ARHGAP24: variants seen among roughly 807,000 people sequenced by gnomAD.
ARHGAP24 encodes rho GTPase-activating protein 24.
ARHGAP24 carries 50 observed loss-of-function variants against 76.4 expected under a neutral mutation model. The ratio of observed to expected loss-of-function variants is 0.65; its 90% CI spans 0.52 to 0.83. ARHGAP24 has a LOEUF of 0.83. Among genes scored for constraint, ARHGAP24 ranks in the 40% least tolerant of loss-of-function variants. ARHGAP24 has a pLI of 0.00. For missense variants in ARHGAP24, 930 were observed against 914.2 expected, an observed-to-expected ratio of 1.02 and a Z score of -0.22; for synonymous variants, 345 against 323.3, an observed-to-expected ratio of 1.07 and a Z score of -0.72.
intron 3 of ARHGAP24, among the ~76,000 whole-genome samples, chr4:85,901,862 G>A (rs28538646): frequency 0.16 from 24,381 of 151,732 alleles, 2,057 homozygotes; most frequent in South Asian, 0.3. Flanking sequence ...GAACATGCAG[G>A]TTTGTTGCAT....
chr4:85,531,148 G>A (rs1387770175), intron 1 of ARHGAP24, among the ~76,000 whole-genome samples: 1 of 151,900 alleles, frequency 6.6e-6, no homozygotes, highest in Non-Finnish European at 1.5e-5. Context: ...TCCAGCAGTT[G>A]GCCTGATCTA....
intron 3 of ARHGAP24, among the ~76,000 whole-genome samples, chr4:85,880,507 A>G (rs1560692370): frequency 7.7e-6 from 1 of 129,052 alleles, no homozygotes; most frequent in Non-Finnish European, 1.6e-5. Flanking sequence ...ATTTATCATG[A>G]ATGCATAACT....
rs528984316 is a variant in ARHGAP24 at position 85,641,991 on chromosome 4, A to C, written c.180+71270A>C. 9.2e-5 allele frequency among the ~76,000 whole-genome samples: 14 copies of C among 152,272 alleles called. 1 individual carries two copies. In the South Asian group the frequency reaches 2.9e-3, roughly 32 times the overall value. ...ACTAATAGACTGACTGGGAAAACCC[A>C]GCAAGGCCTGTCCATTCAATGTCTT... On this transcript the variant is annotated intron_variant, in intron 2 of 9. Transcript: ENST00000395184.
At chr4:85,880,227 T>C (rs1733164958) in intron 3 of ARHGAP24, among the ~76,000 whole-genome samples, 1 of 152,216 alleles carries the variant, frequency 6.6e-6, no homozygotes, top group South Asian at 2.1e-4. Context: ...AAATATCTTA[T>C]TGTACTGTAT....
intron 3 of ARHGAP24, among the ~76,000 whole-genome samples, chr4:85,911,006 G>A (rs960647182): frequency 9.9e-5 from 15 of 152,156 alleles, no homozygotes; most frequent in African/African-American, 3.4e-4. Context: ...TGGCAGGAGG[G>A]AGAAGCTAGG....
intron 3 of ARHGAP24, among the ~76,000 whole-genome samples, chr4:85,820,976 T>G (rs1255204138): frequency 1.3e-5 from 2 of 152,110 alleles, no homozygotes; most frequent in African/African-American, 4.8e-5. Flanking sequence ...TATAAATATT[T>G]TATTTGTCTA....
intron 3 of ARHGAP24, among the ~76,000 whole-genome samples, chr4:85,750,359 C>A (rs1334123932): frequency 1.3e-5 from 2 of 151,980 alleles, no homozygotes; most frequent in African/African-American, 4.8e-5. Flanking sequence ...GCATTAGGAA[C>A]CCAGGAGACT....
intron 2 of ARHGAP24, among the ~76,000 whole-genome samples, chr4:85,670,501 G>A (rs770985232): frequency 1.2e-4 from 19 of 152,208 alleles, no homozygotes; most frequent in Middle Eastern, 3.4e-3. Flanking sequence ...CCAATCAACT[G>A]AACAGTTGAG....
At chr4:85,785,563 CA>C (rs1310931043) in intron 3 of ARHGAP24, among the ~76,000 whole-genome samples, 1 of 151,810 alleles carries the variant, frequency 6.6e-6, no homozygotes, top group Non-Finnish European at 1.5e-5. Context: ...TTAACAATTA[CA>C]AACTACATAA....
intron 2 of ARHGAP24, among the ~76,000 whole-genome samples, chr4:85,634,547 T>A (rs150021194): frequency 5.1e-4 from 78 of 152,008 alleles, no homozygotes; most frequent in African/African-American, 1.7e-3. Flanking sequence ...CTTTGCTTCA[T>A]CTCCTGCATG....
intron 3 of ARHGAP24, among the ~76,000 whole-genome samples, chr4:85,774,710 G>A (rs1727247811): frequency 1.3e-5 from 2 of 152,138 alleles, no homozygotes; most frequent in Admixed American, 6.6e-5. Flanking sequence ...ACTACTTAGG[G>A]CCCAGCTGGG....
At chr4:85,731,819 A>G (rs1030732030) in intron 3 of ARHGAP24, among the ~76,000 whole-genome samples, 1 of 152,232 alleles carries the variant, frequency 6.6e-6, no homozygotes, top group Non-Finnish European at 1.5e-5. Context: ...ATTACTCACT[A>G]TACATTATAT....
chr4:85,677,769 T>G (rs779004260), intron 2 of ARHGAP24, among the ~76,000 whole-genome samples: 4 of 152,234 alleles, frequency 2.6e-5, no homozygotes, highest in African/African-American at 4.8e-5. Flanking sequence ...GTATTAACTT[T>G]CCATTTTGTA....
intron 2 of ARHGAP24, among the ~76,000 whole-genome samples, chr4:85,679,108 G>A (rs930522752): frequency 3.3e-5 from 5 of 152,128 alleles, no homozygotes; most frequent in African/African-American, 1.2e-4. Context: ...TTAGAGCATG[G>A]CAAGACAAGT....
chr4:85,556,429 G>A (rs1396752508), intron 1 of ARHGAP24, among the ~76,000 whole-genome samples: 1 of 152,068 alleles, frequency 6.6e-6, no homozygotes, highest in Non-Finnish European at 1.5e-5. Flanking sequence ...AAAGAGACTG[G>A]GCTCCTCTCC....
intron 2 of ARHGAP24, among the ~76,000 whole-genome samples, chr4:85,716,393 G>A (rs1409426103): frequency 6.6e-6 from 1 of 152,020 alleles, no homozygotes; most frequent in Non-Finnish European, 1.5e-5. Flanking sequence ...AAGTTTTAAA[G>A]ATTCTTCATA....
chr4:85,973,830 A>ATTGTTT (rs1739135859), intron 6 of ARHGAP24, among the ~76,000 whole-genome samples: 1 of 36,966 alleles, frequency 2.7e-5, no homozygotes, highest in African/African-American at 1.6e-4. Context: ...ACTGCTGCCT[A>ATTGTTT]TTGTTTTTTT....
intron 2 of ARHGAP24, among the ~76,000 whole-genome samples, chr4:85,574,828 T>G (rs971611604): frequency 6.6e-6 from 1 of 152,258 alleles, no homozygotes; most frequent in South Asian, 2.1e-4. Flanking sequence ...ACTTAAATAT[T>G]GGAACTTACT....
chr4:85,732,536 C>T (rs1725444640), intron 3 of ARHGAP24, among the ~76,000 whole-genome samples: 1 of 152,082 alleles, frequency 6.6e-6, no homozygotes, highest in African/African-American at 2.4e-5. Flanking sequence ...CCCTAAGGAC[C>T]ATCTGCAGCC....
Sources: allele counts gnomAD v4.1 joint callset (sites outside exome capture counted in the v4.1 genomes callset), GRCh38; gene constraint gnomAD v4.1.1; transcripts MANE v1.5; gene names NCBI Gene and HGNC (gene_info 2026-07-23, HGNC 2026-07-21).